The following CSMD1 variants were observed in gnomAD, a reference collection of about 807,000 sequenced individuals.
CSMD1 encodes CUB and Sushi multiple domains 1, also known as CUB and sushi domain-containing protein 1.
Under a neutral mutation model 417.5 loss-of-function variants are expected in CSMD1, and 213 were observed. That is an observed-to-expected ratio of 0.51 (90% CI 0.46 to 0.57). The LOEUF is 0.57. CSMD1 is among the 20% of genes least tolerant of loss of function. The pLI, the probability that CSMD1 is intolerant of heterozygous loss-of-function variation, is 0.00. For synonymous variants in CSMD1, 2,862 were observed against 1,736.8 expected, an observed-to-expected ratio of 1.65 and a Z score of -16.11; for missense variants, 6,923 against 4,529.7, an observed-to-expected ratio of 1.53 and a Z score of -15.17.
rs183184048 is a variant in CSMD1, at chr8:3,320,446, G to A, written c.3632-11943C>T. 6.3e-4 allele frequency among the ~76,000 whole-genome samples: 96 copies of A among 152,284 alleles called. 2 individuals carry two copies. Among genetic ancestry groups the A allele is most frequent in the Admixed American group, 4.7e-3 (72 of 15,304 alleles). ...AAAACACGATAAGCTCCTCGTACAAGTAAAATCCATGTAAATATAAGGGAT... is the reference window on the plus strand; with the variant it reads ...AAAACACGATAAGCTCCTCGTACAAATAAAATCCATGTAAATATAAGGGAT... On this transcript the variant is annotated intron_variant, in intron 23 of 69. Coordinates refer to ENST00000635120, the MANE Select transcript of CSMD1 (RefSeq NM_033225.6).
At chr8:4,774,151 T>A (rs902536224) in intron 1 of CSMD1, among the ~76,000 whole-genome samples, 3 of 152,148 alleles carry the variant, frequency 2.0e-5, no homozygotes, top group African/African-American at 7.2e-5. Context: ...AGTGAGCCAA[T>A]ATCGTGCCAC....
intron 3 of CSMD1, among the ~76,000 whole-genome samples, chr8:4,206,053 T>C (rs555908199): frequency 3.5e-4 from 53 of 152,276 alleles, no homozygotes; most frequent in African/African-American, 1.3e-3. Context: ...AAATCTTCCC[T>C]GGATCCATTC....
chr8:3,867,762 C>A (rs893434918), intron 5 of CSMD1, among the ~76,000 whole-genome samples: 1 of 152,250 alleles, frequency 6.6e-6, no homozygotes, highest in East Asian at 1.9e-4. Context: ...ACCCTCCTCC[C>A]AGGGCCAGGC....
chr8:3,425,526 T>A (rs1813782197), intron 12 of CSMD1, among the ~76,000 whole-genome samples: 1 of 143,992 alleles, frequency 6.9e-6, no homozygotes, highest in South Asian at 2.2e-4. Context: ...AGGTGGAGGT[T>A]GCAGTGATCT....
intron 7 of CSMD1, among the ~76,000 whole-genome samples, chr8:3,649,568 C>A (rs747268463): frequency 3.9e-5 from 6 of 152,080 alleles, no homozygotes; most frequent in African/African-American, 7.2e-5. Flanking sequence ...AAGTGCTGTG[C>A]AAAGTGGGGA....
chr8:4,048,611 C>G (rs1454148743), intron 3 of CSMD1, among the ~76,000 whole-genome samples: 3 of 152,178 alleles, frequency 2.0e-5, no homozygotes, highest in African/African-American at 4.8e-5. Context: ...CAGCACACAC[C>G]AAACAGGTAA....
intron 3 of CSMD1, among the ~76,000 whole-genome samples, chr8:4,060,560 T>A (rs1247642985): frequency 6.6e-6 from 1 of 152,076 alleles, no homozygotes; most frequent in African/African-American, 2.4e-5. Context: ...TGGTTAACAG[T>A]GCGAATGAGT....
chr8:3,835,952 A>C (rs1382151396), intron 5 of CSMD1, among the ~76,000 whole-genome samples: 2 of 151,970 alleles, frequency 1.3e-5, no homozygotes, highest in Non-Finnish European at 2.9e-5. Flanking sequence ...CAGGAATAGA[A>C]CTTTTGGATT....
At chr8:3,841,714 C>A (rs758931937) in intron 5 of CSMD1, among the ~76,000 whole-genome samples, 1 of 152,050 alleles carries the variant, frequency 6.6e-6, no homozygotes, top group African/African-American at 2.4e-5. Context: ...TATATAATAT[C>A]AAAACTACAA....
At chr8:3,673,745 G>C (rs1799212269) in intron 7 of CSMD1, among the ~76,000 whole-genome samples, 1 of 152,120 alleles carries the variant, frequency 6.6e-6, no homozygotes, top group Non-Finnish European at 1.5e-5. Context: ...GAAACTATTG[G>C]AGCTATTCCC....
At chr8:4,296,212 G>C (rs896106705) in intron 3 of CSMD1, among the ~76,000 whole-genome samples, 1 of 151,984 alleles carries the variant, frequency 6.6e-6, no homozygotes, top group African/African-American at 2.4e-5. Context: ...TCTCCAGCTG[G>C]GTCCAGCTTA....
At chr8:3,511,762 A>AAATAACATAACATAACATAAC (rs398112115) in intron 10 of CSMD1, among the ~76,000 whole-genome samples, 19 of 138,432 alleles carry the variant, frequency 1.4e-4, no homozygotes, top group East Asian at 4.2e-4. Context: ...TCTCTAAAAA[A>AAATAACATAACATAACATAAC]ATAACATAAC....
At chr8:3,991,401 T>G (rs868181709) in intron 5 of CSMD1, among the ~76,000 whole-genome samples, 49 of 152,212 alleles carry the variant, frequency 3.2e-4, no homozygotes, top group African/African-American at 9.6e-4. Flanking sequence ...ATAACCCTGT[T>G]TAGTCACATC....
At chr8:3,092,045 G>A (rs887930014) in intron 47 of CSMD1, among the ~76,000 whole-genome samples, 1 of 152,126 alleles carries the variant, frequency 6.6e-6, no homozygotes, top group Non-Finnish European at 1.5e-5. Context: ...GAATCACTTT[G>A]GAGGGCTGTT....
At chr8:3,500,557 G>C (rs1164277415) in intron 10 of CSMD1, among the ~76,000 whole-genome samples, 5 of 152,076 alleles carry the variant, frequency 3.3e-5, no homozygotes, top group Non-Finnish European at 7.4e-5. Context: ...TAGAGGTCAA[G>C]GAATTGAGGA....
At chr8:4,048,770 C>A (rs752042672) in intron 3 of CSMD1, among the ~76,000 whole-genome samples, 9 of 152,144 alleles carry the variant, frequency 5.9e-5, no homozygotes, top group Non-Finnish European at 1.2e-4. Context: ...CTGTGTATAT[C>A]TGTGTTACAT....
chr8:4,551,559 C>T (rs1797869457), intron 2 of CSMD1, among the ~76,000 whole-genome samples: 1 of 152,198 alleles, frequency 6.6e-6, no homozygotes, highest in Non-Finnish European at 1.5e-5. Flanking sequence ...TGACTCTCTG[C>T]AGGTTCCAGG....
At chr8:4,434,471 C>G (rs1054403388) in intron 2 of CSMD1, among the ~76,000 whole-genome samples, 1 of 152,172 alleles carries the variant, frequency 6.6e-6, no homozygotes, top group Non-Finnish European at 1.5e-5. Context: ...AGTCCCCACA[C>G]TCTAACAGAA....
intron 51 of CSMD1, among the ~76,000 whole-genome samples, chr8:3,024,155 G>A (rs1300352121): frequency 6.6e-6 from 1 of 151,996 alleles, no homozygotes; most frequent in African/African-American, 2.4e-5. Flanking sequence ...GTGTATGTGT[G>A]TGCAAAGTAG....
Sources: gnomAD v4.1 joint callset for allele counts (sites outside exome capture counted in the v4.1 genomes callset) on GRCh38, gnomAD v4.1.1 for gene constraint, MANE v1.5 for transcripts, NCBI Gene and HGNC (gene_info 2026-07-23, HGNC 2026-07-21) for gene names.